The following MCUB variants were observed in gnomAD, a reference collection of about 807,000 sequenced individuals.
The protein encoded by MCUB is mitochondrial calcium uniporter dominant negative subunit beta.
A neutral mutation model predicts 41.4 loss-of-function variants in MCUB; 46 were observed. The ratio of observed to expected loss-of-function variants is 1.11; its 90% confidence interval spans 0.88 to 1.42. The LOEUF is 1.42. MCUB is among the 40% of genes most tolerant of loss of function. The probability of loss-of-function intolerance (pLI) is 0.00; values close to 1 mark genes in which losing one functional copy is unlikely to be tolerated. For missense variants in MCUB, 403 were observed against 404.9 expected (o/e 1.00, Z 0.04); for synonymous variants, 148 against 148.2 (o/e 1.00, Z 0.01).
At chr4:109,678,270 C>T (rs1729618371) in intron 4 of MCUB, among the ~76,000 whole-genome samples, 1 of 152,078 alleles carries the variant, frequency 6.6e-6, no homozygotes, top group South Asian at 2.1e-4. Flanking sequence ...CCACATTTCC[C>T]CCTTTTCTAT....
At chr4:109,608,633 T>C (rs1727932631) in intron 1 of MCUB, among the ~76,000 whole-genome samples, 1 of 152,014 alleles carries the variant, frequency 6.6e-6, no homozygotes, top group African/African-American at 2.4e-5. Flanking sequence ...ACTACAGGCA[T>C]GCACCACCAC....
intron 1 of MCUB, among the ~76,000 whole-genome samples, chr4:109,609,895 A>C (rs1433951838): frequency 1.3e-5 from 2 of 152,162 alleles, no homozygotes; most frequent in African/African-American, 4.8e-5. Context: ...AGGTCCAGAG[A>C]TGCCATCCAG....
chr4:109,674,266 C>G (rs958887714), intron 4 of MCUB: 2 of 651,372 alleles, frequency 3.1e-6, no homozygotes, highest in African/African-American at 1.8e-5. Flanking sequence ...TCCTTTCTTG[C>G]AGGCTTGATT....
At chr4:109,592,136 G>C (rs1214207176) in intron 1 of MCUB, among the ~76,000 whole-genome samples, 1 of 151,964 alleles carries the variant, frequency 6.6e-6, no homozygotes, top group Non-Finnish European at 1.5e-5. Context: ...GCTGGGCATG[G>C]TGACTCACGC....
chr4:109,623,217 A>C (rs2126136101), intron 1 of MCUB, among the ~76,000 whole-genome samples: 1 of 152,346 alleles, frequency 6.6e-6, no homozygotes, highest in Admixed American at 6.5e-5. Flanking sequence ...ACTGTCACGA[A>C]GAAAAGAGCT....
chr4:109,599,935 G>A (rs1314221756), intron 1 of MCUB, among the ~76,000 whole-genome samples: 1 of 152,174 alleles, frequency 6.6e-6, no homozygotes, highest in African/African-American at 2.4e-5. Context: ...CTCTCAAAGT[G>A]CTGGGATTAC....
intron 1 of MCUB, among the ~76,000 whole-genome samples, chr4:109,583,329 T>C (rs1180619265): frequency 3.3e-5 from 5 of 152,198 alleles, no homozygotes; most frequent in Non-Finnish European, 5.9e-5. Flanking sequence ...GAAGCAATTG[T>C]GAATGGGAGT....
intron 1 of MCUB, among the ~76,000 whole-genome samples, chr4:109,591,185 C>CTTTTTTTT (rs111954864): frequency 7.1e-6 from 1 of 141,354 alleles, no homozygotes; most frequent in Non-Finnish European, 1.6e-5. Flanking sequence ...TGTTAAAATT[C>CTTTTTTTT]TTTTTTTTTT....
intron 1 of MCUB, among the ~76,000 whole-genome samples, chr4:109,608,514 G>C (rs1483800165): frequency 6.7e-6 from 1 of 150,124 alleles, no homozygotes; most frequent in Non-Finnish European, 1.5e-5. Context: ...TTGAGACAGG[G>C]TCTCATTCTG....
At chr4:109,660,885 T>G (rs1016935693) in intron 3 of MCUB, among the ~76,000 whole-genome samples, 1 of 152,206 alleles carries the variant, frequency 6.6e-6, no homozygotes, top group Non-Finnish European at 1.5e-5. Flanking sequence ...ATAAATTTAA[T>G]GTAAATTTCA....
intron 1 of MCUB, among the ~76,000 whole-genome samples, chr4:109,617,367 A>G (rs1728152307): frequency 6.6e-6 from 1 of 152,172 alleles, no homozygotes; most frequent in African/African-American, 2.4e-5. Context: ...CCCATCAGTC[A>G]ATGTGACAGC....
intron 1 of MCUB, among the ~76,000 whole-genome samples, chr4:109,604,515 C>T (rs377520283): frequency 1.8e-4 from 27 of 152,190 alleles, no homozygotes; most frequent in African/African-American, 6.0e-4. Context: ...TTATTTCATT[C>T]TCTGGTCTGA....
intron 4 of MCUB, chr4:109,673,878 T>A: frequency 1.3e-6 from 1 of 772,722 alleles, no homozygotes; most frequent in Non-Finnish European, 2.4e-6. Flanking sequence ...TTCCTTCATA[T>A]GAGGAATATC....
At chr4:109,596,841 AC>A (rs1291559300) in intron 1 of MCUB, among the ~76,000 whole-genome samples, 1 of 151,196 alleles carries the variant, frequency 6.6e-6, no homozygotes, top group Non-Finnish European at 1.5e-5. Context: ...AAACAAGTGA[AC>A]AAAGGTCTCT....
intron 1 of MCUB, among the ~76,000 whole-genome samples, chr4:109,566,313 C>A (rs1726775630): frequency 6.6e-6 from 1 of 150,732 alleles, no homozygotes; most frequent in African/African-American, 2.4e-5. Flanking sequence ...ACTAAAAATA[C>A]AAAAAAATAA....
intron 1 of MCUB, among the ~76,000 whole-genome samples, chr4:109,600,571 T>A (rs197215): frequency 1.3e-5 from 2 of 151,984 alleles, no homozygotes; most frequent in Non-Finnish European, 2.9e-5. Flanking sequence ...CACACTGACC[T>A]AAATGGGGTT....
chr4:109,580,265 A>T (rs889440311), intron 1 of MCUB, among the ~76,000 whole-genome samples: 3 of 152,104 alleles, frequency 2.0e-5, no homozygotes, highest in African/African-American at 7.2e-5. Flanking sequence ...ACATTTTCTT[A>T]ATCCAGTCTA....
At chr4:109,676,804 C>T (rs934291019) in intron 4 of MCUB, among the ~76,000 whole-genome samples, 5 of 152,310 alleles carry the variant, frequency 3.3e-5, no homozygotes, top group African/African-American at 9.6e-5. Flanking sequence ...AAATTCTAAG[C>T]AAAATATTGA....
At chr4:109,655,767 G>T (rs943133905) in intron 1 of MCUB, among the ~76,000 whole-genome samples, 1 of 152,108 alleles carries the variant, frequency 6.6e-6, no homozygotes, top group Non-Finnish European at 1.5e-5. Context: ...TGTGTGTGGT[G>T]GTGGGGGTTG....
Sources: allele counts gnomAD v4.1 joint callset (sites outside exome capture counted in the v4.1 genomes callset), GRCh38; gene constraint gnomAD v4.1.1; transcripts MANE v1.5; gene names NCBI Gene and HGNC (gene_info 2026-07-23, HGNC 2026-07-21).